The following ACP3 variants were observed in gnomAD, a reference collection of about 807,000 sequenced individuals.
ACP3 encodes prostatic acid phosphatase.
A neutral mutation model predicts 45.6 loss-of-function variants in ACP3; 38 were observed. That is an observed-to-expected ratio of 0.83 (90% CI 0.64 to 1.09). The LOEUF (loss-of-function observed/expected upper bound fraction) is 1.09, where lower values mean the gene tolerates loss of function less well. ACP3 is among the 50% of genes least tolerant of loss of function. The pLI is 0.00. For synonymous variants in ACP3, 162 were observed against 164.7 expected (o/e 0.98, Z 0.13); for missense variants, 466 against 463.2 (o/e 1.01, Z -0.05).
At chr3:132,345,124 T>A in intron 7 of ACP3, 65 bp downstream of exon 7, 1 of 1,429,278 alleles carries the variant, frequency 7.0e-7, no homozygotes, top group Non-Finnish European at 9.6e-7. Context: ...TCTGAGTCAT[T>A]CCCTCCACTA....
chr3:132,362,848 G>C (rs1293279295), downstream of ACP3, among the ~76,000 whole-genome samples: 1 of 152,204 alleles, frequency 6.6e-6, no homozygotes, highest in African/African-American at 2.4e-5. Context: ...AGGCTGCAGA[G>C]GCAAGCACTA....
At chr3:132,364,686 G>A (rs1938100968) in intron 10 of ACP3, among the ~76,000 whole-genome samples, 1 of 152,130 alleles carries the variant, frequency 6.6e-6, no homozygotes, top group African/African-American at 2.4e-5. Flanking sequence ...TGAGCTCCTC[G>A]AGGGCAGAGA....
At chr3:132,350,671 C>T (rs1937708687) in intron 8 of ACP3, among the ~76,000 whole-genome samples, 1 of 152,060 alleles carries the variant, frequency 6.6e-6, no homozygotes, top group African/African-American at 2.4e-5. Flanking sequence ...TTAGATAGCC[C>T]TGATATGGAG....
At position 132,344,944 on chromosome 3, in the gene ACP3, T is replaced by C. The variant is rs753166910; in HGVS notation, c.666T>C (p.Thr222=). The C allele has an allele frequency of 5.6e-6, 9 of 1,613,832 alleles. No homozygotes were observed. In the South Asian group the frequency reaches 8.8e-5, roughly 16 times the overall value. Residue 222 remains threonine, a synonymous_variant, in exon 7 of 10, where the codon ACT becomes ACC. Transcript: ENST00000336375. The stretch of plus-strand genomic sequence containing the variant: ...TGCTACAGAGTGTTCACAATTTCAC[T>C]TTACCCTCCTGGGCCACTGAGGACA... ...PLYCESVHNF[T]LPSWATEDTM...
intron 9 of ACP3, 145 bp downstream of exon 9, chr3:132,352,968 AGTCAT>A: frequency 1.6e-6 from 1 of 607,088 alleles, no homozygotes; most frequent in Non-Finnish European, 2.9e-6. Flanking sequence ...GATCTTTGCT[AGTCAT>A]GTCTCTTTTT....
intron 5 of ACP3, 89 bp from the exon 6 acceptor site, chr3:132,342,463 A>G (rs1937562645): frequency 2.2e-6 from 2 of 903,404 alleles, no homozygotes; most frequent in East Asian, 2.5e-5. Context: ...AGAGCTCCCT[A>G]CAACAAACAA....
intron 1 of ACP3, among the ~76,000 whole-genome samples, chr3:132,325,902 T>C (rs1427683706): frequency 6.6e-6 from 1 of 152,232 alleles, no homozygotes; most frequent in African/African-American, 2.4e-5. Context: ...TTTGTGGAAC[T>C]GATGAGAAGA....
At chr3:132,347,540 C>T (rs11928909) in intron 7 of ACP3, among the ~76,000 whole-genome samples, 72,138 of 151,880 alleles carry the variant, frequency 0.47, 17,947 homozygotes, top group Middle Eastern at 0.66. Flanking sequence ...AGTGCAGCAG[C>T]ATGATCACGG....
chr3:132,335,151 C>T (rs1937468495), intron 4 of ACP3, among the ~76,000 whole-genome samples: 1 of 152,034 alleles, frequency 6.6e-6, no homozygotes, highest in Non-Finnish European at 1.5e-5. Flanking sequence ...ATAATTTCTC[C>T]TATGGAACAA....
At chr3:132,320,266 A>G (rs540915787) in intron 1 of ACP3, among the ~76,000 whole-genome samples, 13 of 152,308 alleles carry the variant, frequency 8.5e-5, no homozygotes, top group Non-Finnish European at 1.3e-4. Flanking sequence ...GAAAACACTG[A>G]GAGAACTGAC....
Position 132,317,485 on chromosome 3 carries a change from G to A in ACP3, c.29G>A (p.Arg10Lys). The A allele has an allele frequency of 6.2e-7, 1 of 1,613,566 alleles. No homozygotes were observed. Among genetic ancestry groups the A allele is most frequent in the East Asian group, 2.2e-5 (1 of 44,866 alleles). Residue 10 changes from arginine (R) to lysine (K), a missense_variant, in exon 1 of 10, where the codon AGG (arginine) becomes AAG (lysine). By Grantham distance (26) the Arg-to-Lys change is conservative. Coordinates refer to ENST00000336375, the MANE Select transcript of ACP3 (RefSeq NM_001099.5). MRAAPLLLARAASLSLGFLF... is the reference protein window; with the variant it reads MRAAPLLLAKAASLSLGFLF... The stretch of plus-strand genomic sequence containing the variant: ...AGAGCTGCACCCCTCCTCCTGGCCA[G>A]GGCAGCAAGCCTTAGCCTTGGCTTC...
chr3:132,362,475 G>T (rs1317297075), downstream of ACP3, among the ~76,000 whole-genome samples: 1 of 152,180 alleles, frequency 6.6e-6, no homozygotes, highest in African/African-American at 2.4e-5. Context: ...AGCTTGCTGA[G>T]TAAACAGCAG....
chr3:132,321,541 C>T (rs952734923), intron 1 of ACP3, among the ~76,000 whole-genome samples: 1 of 152,184 alleles, frequency 6.6e-6, no homozygotes, highest in Non-Finnish European at 1.5e-5. Flanking sequence ...CTGAGCCAGG[C>T]TCAGTTCAGT....
chr3:132,341,694 A>G (rs183255573), intron 5 of ACP3, among the ~76,000 whole-genome samples: 29 of 152,338 alleles, frequency 1.9e-4, no homozygotes, highest in Admixed American at 1.9e-3. Flanking sequence ...TTTACTCTTG[A>G]AAAGCTTGGT....
Position 132,342,639 on chromosome 3 carries a change from T to A in ACP3, c.643T>A (p.Cys215Ser), listed in dbSNP as rs749813514. The change falls in exon 6 of 10, where the codon TGT (cysteine) becomes AGT (serine). Residue 215 changes from cysteine to serine, a missense_variant. Cys to Ser is a moderately radical substitution (Grantham distance 112, BLOSUM62 -1). Transcript: ENST00000336375. ...IWSKVYDPLY[C>S]ESVHNFTLPS... ...GAGTAAAGTCTACGACCCTTTATAT[T>A]GTGAGGTAAAAGAAAAAAAAATCAC... 6.3e-7 allele frequency: 1 copy of A among 1,586,506 alleles called. No individual in the cohort carries two copies. Among genetic ancestry groups the A allele is most frequent in the Non-Finnish European group, 8.6e-7 (1 of 1,169,264 alleles).
At chr3:132,348,149 C>T (rs1012210808) in intron 7 of ACP3, among the ~76,000 whole-genome samples, 8 of 152,110 alleles carry the variant, frequency 5.3e-5, no homozygotes, top group Non-Finnish European at 7.4e-5. Flanking sequence ...TGGACTTTTA[C>T]AGAAAAGTTT....
In ACP3 at chr3:132,331,632, A is replaced by T. The variant is rs1559831200; in HGVS notation, c.217-15A>T. On this transcript the variant is annotated splice_polypyrimidine_tract_variant and intron_variant, in intron 2 of 9. Coordinates refer to ENST00000336375, the MANE Select transcript of ACP3 (RefSeq NM_001099.5). ...CTTACTTTCATTAATTTTTGCTTTT[A>T]TTTTTTTCCCATAGCTGGGCATGGA... 1 of 1,568,396 alleles carries T rather than the reference A, an allele frequency of 6.4e-7. No individual in the cohort carries two copies. The highest frequency in any genetic ancestry group is 8.6e-7 in the Non-Finnish European group (1 of 1,166,024).
At chr3:132,328,679 CAAAA>C (rs553521994) in intron 2 of ACP3, among the ~76,000 whole-genome samples, 1 of 70,258 alleles carries the variant, frequency 1.4e-5, no homozygotes. Flanking sequence ...AACTCTATCT[CAAAA>C]AAAAAAAAAA....
At chr3:132,355,587 G>A (rs577406420) in intron 9 of ACP3, among the ~76,000 whole-genome samples, 39 of 151,064 alleles carry the variant, frequency 2.6e-4, no homozygotes, top group South Asian at 8.3e-4. Flanking sequence ...GCGTGATCTC[G>A]GCTAACTGCA....
Sources: gnomAD v4.1 joint callset for allele counts (sites outside exome capture counted in the v4.1 genomes callset) on GRCh38, gnomAD v4.1.1 for gene constraint, MANE v1.5 for transcripts, NCBI Gene and HGNC (gene_info 2026-07-23, HGNC 2026-07-21) for gene names.